The following PEAK1 variants were observed in gnomAD, a reference collection of about 807,000 sequenced individuals.
PEAK1 encodes inactive tyrosine-protein kinase PEAK1.
A neutral mutation model predicts 124.7 loss-of-function variants in PEAK1; 54 were observed. That is an observed-to-expected ratio of 0.43 (90% CI 0.35 to 0.54). The LOEUF is 0.54. Ranked by LOEUF, PEAK1 falls within the 20% of genes least tolerant of loss-of-function variation. PEAK1 has a pLI of 0.01. For synonymous variants in PEAK1, 719 were observed against 760.0 expected (o/e 0.95, Z 0.89); for missense variants, 2,046 against 2,134.5 (o/e 0.96, Z 0.82).
intron 5 of PEAK1, among the ~76,000 whole-genome samples, chr15:77,266,930 G>C (rs2061767181): frequency 6.6e-6 from 1 of 151,744 alleles, no homozygotes; most frequent in African/African-American, 2.4e-5. Context: ...GTAGCCTGGG[G>C]CAAGTTCTCA....
intron 6 of PEAK1, among the ~76,000 whole-genome samples, chr15:77,221,765 A>G (rs535766979): frequency 6.6e-6 from 1 of 152,270 alleles, no homozygotes; most frequent in South Asian, 2.1e-4. Flanking sequence ...AGTTTTGTGA[A>G]GGATTTTGGC....
At chr15:77,389,772 G>C (rs1466587230) in intron 1 of PEAK1, among the ~76,000 whole-genome samples, 1 of 152,106 alleles carries the variant, frequency 6.6e-6, no homozygotes, top group Non-Finnish European at 1.5e-5. Flanking sequence ...CAAATCTCAA[G>C]GTTTACTATG....
chr15:77,383,758 G>C (rs1203274710), intron 1 of PEAK1, among the ~76,000 whole-genome samples: 1 of 152,030 alleles, frequency 6.6e-6, no homozygotes, highest in Non-Finnish European at 1.5e-5. Context: ...TACTCATGTG[G>C]GTCTTGCTTT....
intron 1 of PEAK1, among the ~76,000 whole-genome samples, chr15:77,408,072 T>C (rs2072035152): frequency 7.9e-6 from 1 of 127,056 alleles, no homozygotes; most frequent in African/African-American, 2.7e-5. Context: ...TACACATATA[T>C]ACATATATAC....
intron 1 of PEAK1, among the ~76,000 whole-genome samples, chr15:77,408,088 TA>T (rs936120372): frequency 6.7e-6 from 1 of 149,314 alleles, no homozygotes; most frequent in Admixed American, 6.7e-5. Context: ...TATACACATA[TA>T]TACACACACA....
At chr15:77,120,783 C>T (rs902168068) in intron 9 of PEAK1, among the ~76,000 whole-genome samples, 1 of 152,206 alleles carries the variant, frequency 6.6e-6, no homozygotes, top group Non-Finnish European at 1.5e-5. Context: ...GCCTTGCCTC[C>T]CTTTCCAGTC....
At chr15:77,171,594 A>G (rs967407650) in intron 7 of PEAK1, among the ~76,000 whole-genome samples, 12 of 152,310 alleles carry the variant, frequency 7.9e-5, no homozygotes, top group African/African-American at 2.4e-4. Flanking sequence ...GATGGGAGAA[A>G]TAAGTTCTAG....
chr15:77,139,165 G>T (rs1008543658), intron 8 of PEAK1, among the ~76,000 whole-genome samples: 1 of 152,128 alleles, frequency 6.6e-6, no homozygotes, highest in Non-Finnish European at 1.5e-5. Context: ...ACAGGGTCAA[G>T]AATATCAATA....
chr15:77,149,970 GA>G (rs1299699449), intron 8 of PEAK1, among the ~76,000 whole-genome samples: 23 of 151,996 alleles, frequency 1.5e-4, no homozygotes, highest in Non-Finnish European at 1.8e-4. Flanking sequence ...GGCTAATCTT[GA>G]ATTCCTGAGC....
At chr15:77,332,993 C>T (rs1455108134) in intron 2 of PEAK1, 1 of 869,712 alleles carries the variant, frequency 1.1e-6, no homozygotes, top group Non-Finnish European at 1.4e-6. Flanking sequence ...CCTATTCAGG[C>T]ATTCATTTCT....
At chr15:77,187,213 A>G (rs1404509127) in intron 6 of PEAK1, among the ~76,000 whole-genome samples, 2 of 152,232 alleles carry the variant, frequency 1.3e-5, no homozygotes, top group Non-Finnish European at 2.9e-5. Context: ...CCAGGATTCC[A>G]TGATCTAAAA....
intron 1 of PEAK1, among the ~76,000 whole-genome samples, chr15:77,408,923 T>C (rs1243287140): frequency 6.6e-6 from 1 of 152,008 alleles, no homozygotes; most frequent in Non-Finnish European, 1.5e-5. Context: ...TTTTAAAAAT[T>C]AGCCGGATGT....
chr15:77,284,021 A>G lies in PEAK1; in HGVS notation c.-413T>C, dbSNP rs2062798559. ...AAATGGTACTTCATTGAAGGATGTA[A>G]TTAGTCTCACTAAAGCAAGAAAACA... On this transcript the variant is annotated 5_prime_UTR_variant, in exon 5 of 10. Transcript: ENST00000682557. The G allele has an allele frequency of 9.1e-6, 9 of 985,280 alleles. No individual in the cohort carries two copies. Among genetic ancestry groups the G allele is most frequent in the Non-Finnish European group, 1.1e-5 (9 of 829,836 alleles). The allele number at this position is 985,280 out of a possible 1,614,324, so 61.0% of individuals were successfully genotyped here. A position where few individuals can be genotyped will look rare whatever the true frequency, so the allele number is the denominator to read the frequency against.
chr15:77,284,675 T>C (rs1351970856), intron 4 of PEAK1, among the ~76,000 whole-genome samples: 1 of 152,186 alleles, frequency 6.6e-6, no homozygotes, highest in Admixed American at 6.5e-5. Flanking sequence ...ATAGTTGAAT[T>C]AAGAATGCTT....
At chr15:77,243,836 C>T (rs368825297) in intron 6 of PEAK1, among the ~76,000 whole-genome samples, 2 of 152,138 alleles carry the variant, frequency 1.3e-5, no homozygotes, top group South Asian at 2.1e-4. Flanking sequence ...GGAGTGGTGG[C>T]ACATGTCTGT....
chr15:77,210,794 G>C (rs1321422169), intron 6 of PEAK1, among the ~76,000 whole-genome samples: 1 of 152,086 alleles, frequency 6.6e-6, no homozygotes, highest in South Asian at 2.1e-4. Flanking sequence ...GCAGGAGAAT[G>C]GCTTGAACCT....
intron 1 of PEAK1, among the ~76,000 whole-genome samples, chr15:77,378,859 G>A (rs2069243343): frequency 6.6e-6 from 1 of 152,288 alleles, no homozygotes; most frequent in Non-Finnish European, 1.5e-5. Context: ...ATCATTTATA[G>A]AAAAGAAGTA....
chr15:77,408,106 CATAT>C (rs2072050318), intron 1 of PEAK1, among the ~76,000 whole-genome samples: 2 of 148,548 alleles, frequency 1.3e-5, no homozygotes, highest in South Asian at 4.2e-4. Context: ...CACATATATA[CATAT>C]ATACACATAT....
Position 77,194,122 on chromosome 15 carries a change from C to CA in PEAK1, c.-114-12083dup, listed in dbSNP as rs139816061. ...ACAGTAAATGGTATCAAAACATTGG[C>CA]AGACATTCAGACTGGGTCAACTTTT... On this transcript the variant is annotated intron_variant, in intron 6 of 9. Transcript: ENST00000682557. 1.5e-3 allele frequency among the ~76,000 whole-genome samples: 233 copies of CA among 152,284 alleles called. 2 individuals carry two copies. The highest frequency in any genetic ancestry group is 5.4e-3 in the African/African-American group (226 of 41,552).
Sources: gnomAD v4.1 joint callset for allele counts (sites outside exome capture counted in the v4.1 genomes callset) on GRCh38, gnomAD v4.1.1 for gene constraint, MANE v1.5 for transcripts, NCBI Gene and HGNC (gene_info 2026-07-23, HGNC 2026-07-21) for gene names.